Variants in PTPRN2 observed in about 807,000 individuals in gnomAD.
The protein encoded by PTPRN2 is protein tyrosine phosphatase receptor type N2.
PTPRN2 carries 74 observed loss-of-function variants against 118.8 expected under a neutral mutation model. The ratio of observed to expected loss-of-function variants is 0.62; its 90% confidence interval spans 0.52 to 0.76. The LOEUF is 0.76. PTPRN2 is among the 30% of genes least tolerant of loss of function. The probability of loss-of-function intolerance (pLI) is 0.00; values close to 1 mark genes in which losing one functional copy is unlikely to be tolerated. For synonymous variants in PTPRN2, 641 were observed against 608.0 expected (o/e 1.05, Z -0.80); for missense variants, 1,481 against 1,394.4 (o/e 1.06, Z -0.99).
chr7:158,239,921 T>C (rs376654727), intron 3 of PTPRN2, among the ~76,000 whole-genome samples: 6 of 152,150 alleles, frequency 3.9e-5, no homozygotes, highest in South Asian at 2.1e-4. Flanking sequence ...AGATGACACG[T>C]TGAGGGTGTG....
At chr7:158,150,689 G>C (rs1820908532) in intron 6 of PTPRN2, among the ~76,000 whole-genome samples, 1 of 152,042 alleles carries the variant, frequency 6.6e-6, no homozygotes, top group East Asian at 1.9e-4. Flanking sequence ...GGTGAGATCT[G>C]TCATGCAGAG....
intron 12 of PTPRN2, among the ~76,000 whole-genome samples, chr7:157,849,969 G>A (rs574547011): frequency 7.2e-5 from 11 of 152,232 alleles, no homozygotes; most frequent in African/African-American, 2.4e-4. Context: ...CAGGCTCCCC[G>A]TCCCTCAGGG....
chr7:157,833,201 T>G (rs562545923), intron 12 of PTPRN2, among the ~76,000 whole-genome samples: 10 of 151,002 alleles, frequency 6.6e-5, no homozygotes, highest in Admixed American at 3.3e-4. Flanking sequence ...CCATCCTGTA[T>G]GATGGTGAAC....
intron 3 of PTPRN2, among the ~76,000 whole-genome samples, chr7:158,238,911 AGCCCCCAGGAC>A (rs145134900): frequency 0.037 from 5,666 of 152,262 alleles, 330 homozygotes; most frequent in African/African-American, 0.13. Flanking sequence ...AAGGCCACGC[AGCCCCCAGGAC>A]GCCCCCAGGA....
intron 12 of PTPRN2, among the ~76,000 whole-genome samples, chr7:157,812,417 A>G (rs1806113693): frequency 6.7e-6 from 1 of 149,272 alleles, no homozygotes; most frequent in Admixed American, 6.6e-5. Flanking sequence ...GGTGGGAAGA[A>G]CAAAGGAGAG....
chr7:157,784,028 GTTGGAGTT>G lies in PTPRN2; in HGVS notation c.1789-101099_1789-101092del, dbSNP rs577260494. On this transcript the variant is annotated intron_variant, in intron 12 of 22. Coordinates refer to ENST00000389418, the MANE Select transcript of PTPRN2 (RefSeq NM_002847.5). This position sits in a 1 kb window ranked among gnomAD's most constrained non-coding sequence, Gnocchi z 4.6. ...GAGTGGCTGAAACATTTCCCACATG[GTTGGAGTT>G]TAAGTCTCTCAAGGTAGAGACACTC... Among the ~76,000 whole-genome samples, 1 of 152,210 alleles carries G rather than the reference GTTGGAGTT, an allele frequency of 6.6e-6. No homozygotes were observed. The highest frequency in any genetic ancestry group is 2.4e-5 in the African/African-American group (1 of 41,450).
At chr7:157,975,689 C>T (rs1158150890) in intron 11 of PTPRN2, among the ~76,000 whole-genome samples, 3 of 152,182 alleles carry the variant, frequency 2.0e-5, no homozygotes, top group Admixed American at 6.5e-5. Context: ...CCCTGCCTGC[C>T]CTCCGTGTCT....
intron 12 of PTPRN2, among the ~76,000 whole-genome samples, chr7:157,765,880 C>G (rs1802439148): frequency 1.6e-5 from 2 of 126,254 alleles, no homozygotes; most frequent in South Asian, 5.6e-4. Flanking sequence ...CATCATTACT[C>G]CATCCATCCA....
At chr7:158,501,335 C>T (rs754862491) in intron 1 of PTPRN2, among the ~76,000 whole-genome samples, 1 of 152,204 alleles carries the variant, frequency 6.6e-6, no homozygotes, top group Non-Finnish European at 1.5e-5. Flanking sequence ...CCAAGGGTCT[C>T]AGAGCCTCTG....
chr7:157,657,696 T>C (rs1468196913), intron 13 of PTPRN2, among the ~76,000 whole-genome samples: 1 of 72,206 alleles, frequency 1.4e-5, no homozygotes, highest in Admixed American at 1.6e-4. Flanking sequence ...ATCACACATA[T>C]ACACACACAT....
intron 1 of PTPRN2, among the ~76,000 whole-genome samples, chr7:158,568,786 T>TA (rs796604440): frequency 0.011 from 1,611 of 145,930 alleles, 30 homozygotes; most frequent in African/African-American, 0.036. Flanking sequence ...AATGTTTAAA[T>TA]AAAAAAAAAA....
chr7:158,111,268 G>A (rs1234735720), intron 9 of PTPRN2, among the ~76,000 whole-genome samples: 1 of 152,232 alleles, frequency 6.6e-6, no homozygotes. Flanking sequence ...GAAAGCATCT[G>A]TTTTTAATGG....
intron 11 of PTPRN2, among the ~76,000 whole-genome samples, chr7:157,976,003 T>C (rs1372433956): frequency 3.9e-5 from 6 of 152,182 alleles, no homozygotes; most frequent in Non-Finnish European, 8.8e-5. Context: ...CTGTCGAGGA[T>C]GGCAGAGCAG....
In PTPRN2 at chr7:157,624,953, CAAATGACCAACAGACATATGAAA is replaced by C. The variant is rs577880726; in HGVS notation, c.2197-3467_2197-3445del. On this transcript the variant is annotated intron_variant, in intron 14 of 22. Coordinates refer to ENST00000389418, the MANE Select transcript of PTPRN2 (RefSeq NM_002847.5). ...TAGACAATTCTCAAAAGAAGATATA[CAAATGACCAACAGACATATGAAA>C]AAATGCTCAACATCACTAATGATCA... is the stretch of plus-strand genomic sequence containing the variant. Among the ~76,000 whole-genome samples, 241 of 152,080 alleles carry C rather than the reference CAAATGACCAACAGACATATGAAA, an allele frequency of 1.6e-3. 1 individual carries two copies. The highest frequency in any genetic ancestry group is 5.6e-3 in the African/African-American group (233 of 41,486).
Position 157,981,927 on chromosome 7 carries a change from C to T in PTPRN2, c.1724-83190G>A, listed in dbSNP as rs551520311. ...TAGAATTTGTAGAATGTGGGGTCCC[C>T]CCAAACCCCTGAGTCATAAAGATGA... On this transcript the variant is annotated intron_variant, in intron 11 of 22. Transcript: ENST00000389418. Among the ~76,000 whole-genome samples the T allele has an allele frequency of 2.6e-5, 4 of 152,398 alleles. No individual in the cohort carries two copies. In the East Asian group the frequency reaches 5.8e-4, roughly 22 times the overall value.
intron 12 of PTPRN2, among the ~76,000 whole-genome samples, chr7:157,817,443 T>C (rs565474691): frequency 7.9e-5 from 12 of 151,912 alleles, no homozygotes; most frequent in Admixed American, 4.6e-4. Flanking sequence ...GTCACTGAGG[T>C]CACATGAGTA....
intron 12 of PTPRN2, among the ~76,000 whole-genome samples, chr7:157,694,385 G>A (rs1268380706): frequency 6.6e-6 from 1 of 152,200 alleles, no homozygotes; most frequent in Admixed American, 6.5e-5. Context: ...GGTTATTTAT[G>A]TCTGAGAGCC....
intron 2 of PTPRN2, among the ~76,000 whole-genome samples, chr7:158,337,755 A>C (rs1357342075): frequency 7.9e-6 from 1 of 126,264 alleles, no homozygotes; most frequent in Admixed American, 7.8e-5. Flanking sequence ...TCACCATAAG[A>C]GGTGACACCT....
chr7:158,351,163 C>T (rs1317931990), intron 2 of PTPRN2, among the ~76,000 whole-genome samples: 1 of 152,204 alleles, frequency 6.6e-6, no homozygotes, highest in Non-Finnish European at 1.5e-5. Flanking sequence ...CTCTCGCCAC[C>T]TCGAGGGCAC....
Sources: gnomAD v4.1 joint callset for allele counts (sites outside exome capture counted in the v4.1 genomes callset) on GRCh38, gnomAD v4.1.1 for gene constraint, Gnocchi (gnomAD v3.1) non-coding constraint, MANE v1.5 for transcripts, NCBI Gene and HGNC (gene_info 2026-07-23, HGNC 2026-07-21) for gene names.